TAAR5: variants seen among roughly 807,000 people sequenced by gnomAD.
The protein encoded by TAAR5 is trace amine associated receptor 5, also known as trace amine-associated receptor 5.
TAAR5 carries 27 observed loss-of-function variants against 21.1 expected under a neutral mutation model. The ratio of observed to expected loss-of-function variants is 1.28; its 90% CI spans 0.94 to 1.76. The LOEUF (loss-of-function observed/expected upper bound fraction) is 1.76, where lower values mean the gene tolerates loss of function less well. Ranked by LOEUF, TAAR5 falls within the 40% of genes most tolerant of loss-of-function variation. TAAR5 has a pLI of 0.00. For missense variants in TAAR5, 495 were observed against 405.6 expected (o/e 1.22, Z -1.89); for synonymous variants, 203 against 167.5 (o/e 1.21, Z -1.64).
chr6:132,605,666 A>G, the TAAR5 span, among the ~76,000 whole-genome samples: 1 of 152,212 alleles, frequency 6.6e-6, no homozygotes, highest in African/African-American at 2.4e-5. Flanking sequence ...AGAGTAAAGA[A>G]GTAGACACTA....
At chr6:132,607,343 C>T in the TAAR5 span, among the ~76,000 whole-genome samples, 1 of 152,220 alleles carries the variant, frequency 6.6e-6, no homozygotes, top group Admixed American at 6.5e-5. Context: ...CATGTGTGCT[C>T]ATGTATTTCC....
Position 132,588,627 on chromosome 6 carries a change from T to C in TAAR5, c.*46A>G, listed in dbSNP as rs761904469. The C allele has an allele frequency of 3.8e-6, 6 of 1,564,404 alleles. No individual in the cohort carries two copies. Among genetic ancestry groups the C allele is most frequent in the South Asian group, 1.2e-5 (1 of 81,996 alleles). The stretch of plus-strand genomic sequence containing the variant: ...CAGCCCACGGTCACAGTGCCACTTA[T>C]CTTTCCTGTGAGGTCCTACTCCTTG... On this transcript the variant is annotated 3_prime_UTR_variant, in exon 1 of 1. Transcript: ENST00000258034.
At chr6:132,592,728 T>G (rs1464061387), upstream of TAAR5, among the ~76,000 whole-genome samples, 3 of 152,230 alleles carry the variant, frequency 2.0e-5, no homozygotes, top group African/African-American at 7.2e-5. Flanking sequence ...CTTTGCCTTC[T>G]GCCATAATTG....
Position 132,588,886 on chromosome 6 carries a change from G to A in TAAR5, c.801C>T (p.Pro267=), listed in dbSNP as rs1266722233. Residue 267 remains proline, a synonymous_variant, in exon 1 of 1, where the codon CCC becomes CCT. Coordinates refer to ENST00000258034, the MANE Select transcript of TAAR5 (RefSeq NM_003967.3). ...AVGIYLLCWL[P]FTIDTMVDSL... is the part of the protein sequence containing the mutation. The stretch of plus-strand genomic sequence containing the variant: ...TGTCGACCATCGTGTCTATGGTGAA[G>A]GGCAGCCAGCACAAGAGGTATATGC... 2 of 1,614,108 alleles carry A rather than the reference G, an allele frequency of 1.2e-6. No homozygotes were observed. Among genetic ancestry groups the A allele is most frequent in the Non-Finnish European group, 1.7e-6 (2 of 1,179,994 alleles).
At chr6:132,604,331 C>T in the TAAR5 span, among the ~76,000 whole-genome samples, 34 of 151,758 alleles carry the variant, frequency 2.2e-4, no homozygotes, top group Middle Eastern at 3.4e-3. Context: ...TTAGTAGAGA[C>T]GGGGTTTCAC....
the TAAR5 span, among the ~76,000 whole-genome samples, chr6:132,604,413 G>A: frequency 4.6e-5 from 7 of 151,894 alleles, no homozygotes; most frequent in Non-Finnish European, 1.0e-4. Context: ...AAAATGCTGC[G>A]ATTACAGGCA....
rs774642010 is a variant in TAAR5 at position 132,588,819 on chromosome 6, A to G, written c.868T>C (p.Phe290Leu). The G allele has an allele frequency of 1.2e-6, 2 of 1,614,162 alleles. No individual in the cohort carries two copies. Among genetic ancestry groups the G allele is most frequent in the Admixed American group, 3.3e-5 (2 of 60,018 alleles). The change falls in exon 1 of 1, where the codon TTT becomes CTT. Residue 290 changes from phenylalanine to leucine, a missense_variant. Coordinates refer to ENST00000258034, the MANE Select transcript of TAAR5 (RefSeq NM_003967.3). The part of the protein sequence containing the change: ...FITPPLVFDI[F>L]IWFAYFNSAC... ...GAGTTGAAGTAAGCAAACCAGATAA[A>G]GATGTCAAAGACCAGTGGGGGTGTG... is the stretch of plus-strand genomic sequence containing the variant.
chr6:132,599,204 C>T, the TAAR5 span, among the ~76,000 whole-genome samples: 1 of 152,016 alleles, frequency 6.6e-6, no homozygotes, highest in South Asian at 2.1e-4. Flanking sequence ...ATTAGTGTGC[C>T]ATAATTCCAG....
the TAAR5 span, among the ~76,000 whole-genome samples, chr6:132,602,343 C>A: frequency 6.6e-6 from 1 of 152,108 alleles, no homozygotes; most frequent in East Asian, 1.9e-4. Flanking sequence ...GCTTGTTTTT[C>A]TACAATTAGA....
chr6:132,590,891 A>G (rs1776896426), upstream of TAAR5, among the ~76,000 whole-genome samples: 1 of 151,942 alleles, frequency 6.6e-6, no homozygotes, highest in Admixed American at 6.5e-5. Flanking sequence ...TGAGTTTCTT[A>G]TTTTTCTTCT....
the TAAR5 span, chr6:132,608,424 G>A: frequency 2.2e-6 from 1 of 455,772 alleles, no homozygotes; most frequent in South Asian, 1.5e-5. Flanking sequence ...GTATGGGAGT[G>A]GAGTAGTCTA....
At chr6:132,600,823 G>GGGAAGGAAGGAAGGAGGGAA in the TAAR5 span, among the ~76,000 whole-genome samples, 2 of 86,796 alleles carry the variant, frequency 2.3e-5, no homozygotes, top group Admixed American at 1.3e-4. Flanking sequence ...GAAGGAGGGA[G>GGGAAGGAAGGAAGGAGGGAA]GGAAGGAAGG....
At position 132,588,929 on chromosome 6, in the gene TAAR5, G is replaced by T; in HGVS notation, c.758C>A (p.Thr253Asn). 1 of 1,614,080 alleles carries T rather than the reference G, an allele frequency of 6.2e-7. No individual in the cohort carries two copies. Among genetic ancestry groups the T allele is most frequent in the South Asian group, 1.1e-5 (1 of 91,078 alleles). The part of the protein sequence containing the change: ...AAKHERKAAK[T>N]LGIAVGIYLL... ...GTATATGCCCACAGCAATGCCCAGG[G>T]TCTTGGCAGCTTTTCTCTCATGCTT... is the stretch of plus-strand genomic sequence containing the variant. The change falls in exon 1 of 1, where the codon ACC (threonine) becomes AAC (asparagine). Residue 253 changes from threonine (T) to asparagine (N), a missense_variant. Thr to Asn is a moderately conservative substitution (Grantham distance 65). Coordinates refer to ENST00000258034, the MANE Select transcript of TAAR5 (RefSeq NM_003967.3).
chr6:132,598,655 A>T, the TAAR5 span, among the ~76,000 whole-genome samples: 2 of 152,148 alleles, frequency 1.3e-5, no homozygotes, highest in Admixed American at 6.5e-5. Flanking sequence ...GCAGTGTCCT[A>T]TGTCCTGCTT....
chr6:132,604,233 TC>T, the TAAR5 span, among the ~76,000 whole-genome samples: 2 of 148,990 alleles, frequency 1.3e-5, no homozygotes, highest in African/African-American at 5.0e-5. Flanking sequence ...AACCTCTGCC[TC>T]CTGGGTTCAA....
At chr6:132,607,031 A>G in the TAAR5 span, among the ~76,000 whole-genome samples, 1 of 151,970 alleles carries the variant, frequency 6.6e-6, no homozygotes, top group Non-Finnish European at 1.5e-5. Context: ...CCCTGTCTCT[A>G]CTAAACTACA....
At chr6:132,608,738 T>C in the TAAR5 span, 1 of 455,868 alleles carries the variant, frequency 2.2e-6, no homozygotes, top group South Asian at 1.5e-5. Flanking sequence ...GCAACAAGTA[T>C]CTTATAGCTC....
chr6:132,612,712 C>G, the TAAR5 span, among the ~76,000 whole-genome samples: 9 of 152,250 alleles, frequency 5.9e-5, no homozygotes, highest in East Asian at 1.7e-3. Flanking sequence ...TTTTCAGTCC[C>G]ATATGTAATG....
the TAAR5 span, chr6:132,608,802 A>G: frequency 4.4e-6 from 2 of 456,060 alleles, no homozygotes; most frequent in South Asian, 1.5e-5. Flanking sequence ...AAAAAAGAGC[A>G]GGAACTGACC....
Sources: allele counts gnomAD v4.1 joint callset (sites outside exome capture counted in the v4.1 genomes callset), GRCh38; gene constraint gnomAD v4.1.1; transcripts MANE v1.5; gene names NCBI Gene and HGNC (gene_info 2026-07-23, HGNC 2026-07-21).